The following SUGCT variants were observed in gnomAD, a reference collection of about 807,000 sequenced individuals.
SUGCT encodes the protein succinyl-CoA:glutarate CoA-transferase.
In SUGCT, 41 loss-of-function variants were observed where a neutral mutation model predicts 55.0. That is an observed-to-expected ratio of 0.74 (90% CI 0.58 to 0.97). The LOEUF (loss-of-function observed/expected upper bound fraction) is 0.97. Among genes scored for constraint, SUGCT ranks in the 50% least tolerant of loss-of-function variants. The pLI is 0.00. For missense variants in SUGCT, 568 were observed against 547.8 expected, an observed-to-expected ratio of 1.04 and a Z score of -0.37; for synonymous variants, 187 against 200.4, an observed-to-expected ratio of 0.93 and a Z score of 0.56.
chr7:40,175,200 A>G (rs1784864976), intron 1 of SUGCT, among the ~76,000 whole-genome samples: 1 of 151,318 alleles, frequency 6.6e-6, no homozygotes, highest in Non-Finnish European at 1.5e-5. Context: ...TGTTCATGGT[A>G]TCTTTCACTG....
chr7:40,718,516 G>C (rs1786146423), intron 12 of SUGCT, among the ~76,000 whole-genome samples: 1 of 152,124 alleles, frequency 6.6e-6, no homozygotes, highest in African/African-American at 2.4e-5. Context: ...TTCAAATAAA[G>C]TCATAACATT....
At chr7:40,428,858 A>G (rs1171466965) in intron 9 of SUGCT, among the ~76,000 whole-genome samples, 1 of 152,142 alleles carries the variant, frequency 6.6e-6, no homozygotes, top group Non-Finnish European at 1.5e-5. Context: ...ATTGCTATCT[A>G]ATGTCCTTTC....
intron 9 of SUGCT, among the ~76,000 whole-genome samples, chr7:40,363,938 G>T (rs1293119875): frequency 2.0e-5 from 3 of 152,164 alleles, no homozygotes; most frequent in Non-Finnish European, 2.9e-5. Flanking sequence ...TTATTATTGT[G>T]TGGGAGTCTT....
chr7:40,907,608 AAAACTG>A, the SUGCT span, among the ~76,000 whole-genome samples: 1 of 152,206 alleles, frequency 6.6e-6, no homozygotes, highest in African/African-American at 2.4e-5. Context: ...CACAGCTGAA[AAAACTG>A]AAACTGAGAT....
rs113894410 is a variant in SUGCT at position 40,172,492 on chromosome 7, A to T, written c.101-8455A>T. ...AGCTTCTCTAATACTTGGGAGAGGA[A>T]GTGAAAGTCTGAAGCATTAGTACCT... On this transcript the variant is annotated intron_variant, in intron 1 of 13. Coordinates refer to ENST00000335693, the MANE Select transcript of SUGCT (RefSeq NM_001193313.2). Among the ~76,000 whole-genome samples, 790 of 152,264 alleles carry T rather than the reference A, an allele frequency of 5.2e-3. 9 individuals are homozygous for T. Among genetic ancestry groups the T allele is most frequent in the African/African-American group, 0.018 (742 of 41,530 alleles).
intron 13 of SUGCT, among the ~76,000 whole-genome samples, chr7:40,798,347 C>T (rs930779780): frequency 1.3e-5 from 2 of 152,114 alleles, no homozygotes; most frequent in African/African-American, 4.8e-5. Context: ...TCTTTTGATA[C>T]AAATTCTGTT....
At chr7:40,381,320 T>G (rs892226633) in intron 9 of SUGCT, among the ~76,000 whole-genome samples, 1 of 152,068 alleles carries the variant, frequency 6.6e-6, no homozygotes, top group African/African-American at 2.4e-5. Context: ...AAAATTGTAT[T>G]TTTAGCTCAC....
At chr7:40,966,755 A>G in the SUGCT span, 1 of 152,206 alleles carries the variant, frequency 6.6e-6, no homozygotes, top group African/African-American at 2.4e-5. Context: ...GCTTCTATTC[A>G]AGCTAGACCG....
the SUGCT span, among the ~76,000 whole-genome samples, chr7:40,967,879 A>G: frequency 1.3e-5 from 2 of 152,222 alleles, no homozygotes; most frequent in Non-Finnish European, 2.9e-5. Context: ...ACAGAAATAC[A>G]TACAATAACC....
intron 12 of SUGCT, among the ~76,000 whole-genome samples, chr7:40,583,006 C>T (rs1381229189): frequency 3.9e-5 from 6 of 152,014 alleles, no homozygotes; most frequent in East Asian, 3.9e-4. Context: ...ATTAAATCAG[C>T]GTAATAGCAA....
At chr7:40,433,819 A>G (rs1788033216) in intron 9 of SUGCT, among the ~76,000 whole-genome samples, 1 of 152,228 alleles carries the variant, frequency 6.6e-6, no homozygotes, top group South Asian at 2.1e-4. Flanking sequence ...TATTGTGCAT[A>G]AAAATATTTA....
intron 6 of SUGCT, among the ~76,000 whole-genome samples, chr7:40,216,038 T>C (rs1413513600): frequency 6.6e-6 from 1 of 152,068 alleles, no homozygotes; most frequent in Admixed American, 6.6e-5. Context: ...TGAGCTATTA[T>C]TACCTTATAT....
intron 13 of SUGCT, among the ~76,000 whole-genome samples, chr7:40,790,822 G>A (rs945260169): frequency 6.6e-6 from 1 of 152,304 alleles, no homozygotes; most frequent in Non-Finnish European, 1.5e-5. Context: ...TACTCTGTCT[G>A]TAGACACTGA....
In SUGCT at chr7:40,237,675, T is replaced by C. The variant is rs751120246; in HGVS notation, c.525T>C (p.Tyr175=). 6.2e-7 allele frequency: 1 copy of C among 1,613,978 alleles called. No individual in the cohort carries two copies. Among genetic ancestry groups the C allele is most frequent in the South Asian group, 1.1e-5 (1 of 91,074 alleles). ...QTGPISQRAG[Y]DAVASAVSGL... is the part of the protein sequence containing the mutation. Reference sequence around the variant, plus strand: ...GTCCAATTTCTCAGCGAGCTGGTTATGATGCTGTTGCCTCGGCTGTTTCTG... The same window carrying C: ...GTCCAATTTCTCAGCGAGCTGGTTACGATGCTGTTGCCTCGGCTGTTTCTG... Residue 175 remains tyrosine, a synonymous_variant, in exon 7 of 14, where the codon TAT becomes TAC. Transcript: ENST00000335693.
the SUGCT span, among the ~76,000 whole-genome samples, chr7:40,934,863 A>G: frequency 6.6e-6 from 1 of 152,160 alleles, no homozygotes; most frequent in Non-Finnish European, 1.5e-5. Context: ...TCTCTTGGAA[A>G]GGGAAATCCC....
intron 12 of SUGCT, among the ~76,000 whole-genome samples, chr7:40,736,085 G>T (rs1562970895): frequency 6.6e-6 from 1 of 151,304 alleles, no homozygotes; most frequent in Non-Finnish European, 1.5e-5. Flanking sequence ...ACTCAACCCA[G>T]AGAGACACAC....
At chr7:41,034,237 G>A in the SUGCT span, among the ~76,000 whole-genome samples, 245 of 152,306 alleles carry the variant, frequency 1.6e-3, no homozygotes, top group African/African-American at 5.2e-3. Context: ...CAGTGCGTGC[G>A]TATGTGTGTG....
intron 9 of SUGCT, among the ~76,000 whole-genome samples, chr7:40,413,667 T>C (rs1296579192): frequency 1.3e-5 from 2 of 152,300 alleles, no homozygotes; most frequent in Middle Eastern, 3.4e-3. Flanking sequence ...TATAATGTAA[T>C]TTGATGGCCA....
chr7:40,300,728 T>G (rs1232003143), intron 8 of SUGCT, among the ~76,000 whole-genome samples: 4 of 152,254 alleles, frequency 2.6e-5, no homozygotes, highest in Non-Finnish European at 4.4e-5. Context: ...AGCTTAGATC[T>G]TAAAAGCCAT....
Sources: gnomAD v4.1 joint callset for allele counts (sites outside exome capture counted in the v4.1 genomes callset) on GRCh38, gnomAD v4.1.1 for gene constraint, MANE v1.5 for transcripts, NCBI Gene and HGNC (gene_info 2026-07-23, HGNC 2026-07-21) for gene names.